NOS1AP: variants seen among roughly 807,000 people sequenced by gnomAD.
NOS1AP encodes the protein nitric oxide synthase 1 adaptor protein.
A neutral mutation model predicts 56.2 loss-of-function variants in NOS1AP; 21 were observed. The ratio of observed to expected loss-of-function variants is 0.37; its 90% CI spans 0.26 to 0.54. The LOEUF (loss-of-function observed/expected upper bound fraction) is 0.54. NOS1AP is among the 20% of genes least tolerant of loss of function. The probability of loss-of-function intolerance (pLI) is 0.84; values close to 1 mark genes in which losing one functional copy is unlikely to be tolerated. For synonymous variants in NOS1AP, 270 were observed against 274.6 expected, an observed-to-expected ratio of 0.98 and a Z score of 0.17; for missense variants, 522 against 657.8, an observed-to-expected ratio of 0.79 and a Z score of 2.26.
chr1:162,074,764 A>T (rs1691733961), intron 1 of NOS1AP, among the ~76,000 whole-genome samples: 1 of 152,160 alleles, frequency 6.6e-6, no homozygotes, highest in Non-Finnish European at 1.5e-5. Context: ...TGCTGCATTC[A>T]TCCACAGCTA....
chr1:162,256,352 G>C (rs572308049), intron 2 of NOS1AP, among the ~76,000 whole-genome samples: 1 of 152,224 alleles, frequency 6.6e-6, no homozygotes, highest in East Asian at 1.9e-4. Context: ...TTGGCTTCTG[G>C]GCTGAACTTA....
intron 1 of NOS1AP, among the ~76,000 whole-genome samples, chr1:162,102,942 T>C (rs1412498817): frequency 1.3e-5 from 2 of 152,212 alleles, no homozygotes; most frequent in Non-Finnish European, 2.9e-5. Flanking sequence ...TTGGTTCTGC[T>C]CTGACCTTGG....
At chr1:162,286,576 T>G (rs994979122) in intron 2 of NOS1AP, among the ~76,000 whole-genome samples, 1 of 152,204 alleles carries the variant, frequency 6.6e-6, no homozygotes, top group African/African-American at 2.4e-5. Flanking sequence ...AATGAACAAA[T>G]GTACCAGAAA....
intron 1 of NOS1AP, among the ~76,000 whole-genome samples, chr1:162,138,835 G>T (rs1464355694): frequency 6.6e-6 from 1 of 152,138 alleles, no homozygotes; most frequent in African/African-American, 2.4e-5. Flanking sequence ...TCGAGGAAGG[G>T]GAAGGGACAC....
intron 2 of NOS1AP, among the ~76,000 whole-genome samples, chr1:162,225,615 T>C (rs1268639318): frequency 6.6e-6 from 1 of 152,190 alleles, no homozygotes; most frequent in Non-Finnish European, 1.5e-5. Flanking sequence ...AAACAATCAG[T>C]GTTGTCCCAC....
At chr1:162,152,566 C>T (rs777051695) in intron 1 of NOS1AP, among the ~76,000 whole-genome samples, 6 of 152,230 alleles carry the variant, frequency 3.9e-5, no homozygotes, top group Admixed American at 1.3e-4. Flanking sequence ...AATCTGGCCA[C>T]GCTATCAGAT....
intron 8 of NOS1AP, chr1:162,365,074 A>ATGTGAACG: frequency 1.9e-6 from 2 of 1,059,168 alleles, no homozygotes; most frequent in Non-Finnish European, 2.3e-6. Flanking sequence ...GTGTGTGTAT[A>ATGTGAACG]TGTGCACGTG....
chr1:162,071,575 G>A lies in NOS1AP; in HGVS notation c.105+1293G>A, dbSNP rs1355402201. On this transcript the variant is annotated intron_variant, in intron 1 of 9. Transcript: ENST00000361897. ...GGAGAACTGCCCCGCTTAGTCCCCC[G>A]AAACATTAAACCCTGCCGTGGAATG... Among the ~76,000 whole-genome samples, 9 of 152,220 alleles carry A rather than the reference G, an allele frequency of 5.9e-5. No homozygotes were observed. The East Asian group carries it at 1.4e-3, about 23-fold the overall frequency.
chr1:162,362,427 GGTGACAGA>G (rs11277545), intron 8 of NOS1AP, among the ~76,000 whole-genome samples: 77,269 of 148,738 alleles, frequency 0.52, 20,263 homozygotes, highest in East Asian at 0.66. Flanking sequence ...CTCCAGCCTG[GGTGACAGA>G]GTGAGTCTCA....
intron 5 of NOS1AP, chr1:162,342,616 A>G (rs754827329): frequency 6.0e-6 from 3 of 496,140 alleles, no homozygotes; most frequent in Non-Finnish European, 1.3e-5. Flanking sequence ...CCATTAGCTC[A>G]TCTTTTTTAT....
chr1:162,125,973 T>G (rs2102057661), intron 1 of NOS1AP, among the ~76,000 whole-genome samples: 3 of 152,342 alleles, frequency 2.0e-5, no homozygotes, highest in Middle Eastern at 6.8e-3. Flanking sequence ...TAGTTCTCCT[T>G]GTAGACATCT....
intron 5 of NOS1AP, among the ~76,000 whole-genome samples, chr1:162,341,906 A>G (rs1294739540): frequency 6.6e-6 from 1 of 152,206 alleles, no homozygotes; most frequent in Non-Finnish European, 1.5e-5. Context: ...CACATTTGTT[A>G]GGGACTGTGT....
rs368658815 is a variant in NOS1AP, at chr1:162,195,895, G to A, written c.177+41419G>A. On this transcript the variant is annotated intron_variant, in intron 2 of 9. Coordinates refer to ENST00000361897, the MANE Select transcript of NOS1AP (RefSeq NM_014697.3). ...GCTTCTGGAGAGAAGTCATAATATC[G>A]TTGATTGTCCCTACCCATTATATGT... Among the ~76,000 whole-genome samples the A allele has an allele frequency of 7.9e-5, 12 of 152,232 alleles. No individual in the cohort carries two copies. In the East Asian group the frequency reaches 1.2e-3, roughly 15 times the overall value.
At chr1:162,305,747 A>G (rs1655804254) in intron 4 of NOS1AP, among the ~76,000 whole-genome samples, 1 of 152,220 alleles carries the variant, frequency 6.6e-6, no homozygotes, top group Admixed American at 6.5e-5. Flanking sequence ...TTCATTTTGT[A>G]TGAATTAGAT....
intron 4 of NOS1AP, among the ~76,000 whole-genome samples, chr1:162,319,286 T>C (rs1052455062): frequency 1.3e-5 from 2 of 152,116 alleles, no homozygotes; most frequent in Non-Finnish European, 2.9e-5. Flanking sequence ...CCAGATTCTG[T>C]TGATTCCCCT....
At chr1:162,202,817 G>A (rs557314371) in intron 2 of NOS1AP, among the ~76,000 whole-genome samples, 92 of 152,238 alleles carry the variant, frequency 6.0e-4, no homozygotes, top group Admixed American at 5.8e-3. Context: ...AACTTCAACT[G>A]GCTTGAATGA....
At chr1:162,116,891 C>A (rs1415556463) in intron 1 of NOS1AP, among the ~76,000 whole-genome samples, 1 of 152,140 alleles carries the variant, frequency 6.6e-6, no homozygotes, top group Non-Finnish European at 1.5e-5. Flanking sequence ...CTGCAATATT[C>A]TTTGATGTTG....
chr1:162,302,215 A>C (rs950200133), intron 4 of NOS1AP, among the ~76,000 whole-genome samples: 1 of 152,206 alleles, frequency 6.6e-6, no homozygotes, highest in African/African-American at 2.4e-5. Flanking sequence ...CTCTTGAGGG[A>C]AAAATCTATG....
intron 2 of NOS1AP, among the ~76,000 whole-genome samples, chr1:162,175,153 GA>G (rs59467237): frequency 0.054 from 7,791 of 144,534 alleles, 400 homozygotes; most frequent in African/African-American, 0.14. Flanking sequence ...ACTTTTTGGG[GA>G]AAAAAAAAAA....
Sources: allele counts gnomAD v4.1 joint callset (sites outside exome capture counted in the v4.1 genomes callset), GRCh38; gene constraint gnomAD v4.1.1; transcripts MANE v1.5; gene names NCBI Gene and HGNC (gene_info 2026-07-23, HGNC 2026-07-21).